ZNF503: variants seen among roughly 807,000 people sequenced by gnomAD.
ZNF503 encodes the protein zinc finger protein 503.
Under a neutral mutation model 34.4 loss-of-function variants are expected in ZNF503, and 15 were observed. The observed-to-expected ratio is 0.44, with a 90% CI of 0.29 to 0.67. ZNF503 has a LOEUF of 0.67. ZNF503 is among the 30% of genes least tolerant of loss of function. ZNF503 has a pLI of 0.13. For synonymous variants in ZNF503, 580 were observed against 456.8 expected (o/e 1.27, Z -3.44); for missense variants, 1,007 against 926.8 (o/e 1.09, Z -1.12).
chr10:75,376,882 A>T, the ZNF503 span, among the ~76,000 whole-genome samples: 1 of 152,178 alleles, frequency 6.6e-6, no homozygotes, highest in Non-Finnish European at 1.5e-5. Context: ...CGAGAACAGC[A>T]TGGGGGAACC....
At chr10:75,312,469 T>C in the ZNF503 span, among the ~76,000 whole-genome samples, 1 of 151,994 alleles carries the variant, frequency 6.6e-6, no homozygotes, top group Non-Finnish European at 1.5e-5. Flanking sequence ...TGAGCAGAGC[T>C]TCAGGGACAT....
At chr10:75,362,221 T>C in the ZNF503 span, among the ~76,000 whole-genome samples, 5 of 152,066 alleles carry the variant, frequency 3.3e-5, no homozygotes, top group Non-Finnish European at 7.4e-5. Context: ...CAATTCATAT[T>C]GTCTGAGTAG....
chr10:75,295,953 C>T, the ZNF503 span, among the ~76,000 whole-genome samples: 15 of 152,266 alleles, frequency 9.9e-5, no homozygotes, highest in Admixed American at 2.6e-4. The surrounding 1 kb of genome is among the most constrained non-coding windows in gnomAD (Gnocchi z 4.0). Flanking sequence ...AATTTCCTCC[C>T]GTTGGGCTTG....
chr10:75,345,981 A>G, the ZNF503 span, among the ~76,000 whole-genome samples: 118,941 of 152,182 alleles, frequency 0.78, 47,386 homozygotes, highest in African/African-American at 0.92. Flanking sequence ...AACTGTGCGG[A>G]ATCAGTGTTC....
At chr10:75,349,843 G>A in the ZNF503 span, among the ~76,000 whole-genome samples, 1 of 152,214 alleles carries the variant, frequency 6.6e-6, no homozygotes, top group Non-Finnish European at 1.5e-5. Context: ...TGTTTGTTCT[G>A]TGGACAAAAG....
At chr10:75,326,019 T>C in the ZNF503 span, among the ~76,000 whole-genome samples, 3 of 152,190 alleles carry the variant, frequency 2.0e-5, no homozygotes, top group Non-Finnish European at 4.4e-5. Context: ...CCACTGTGCC[T>C]GACTGCAGTA....
rs930148692 is a variant in ZNF503 at position 75,401,446 on chromosome 10, G to A, written c.-27C>T. 19 of 1,519,498 alleles carry A rather than the reference G, an allele frequency of 1.3e-5. No homozygotes were observed. Among genetic ancestry groups the A allele is most frequent in the Non-Finnish European group, 1.5e-5 (17 of 1,140,006 alleles). 94.1% of individuals were successfully genotyped at this position (1,519,498 alleles called of 1,614,324 possible). A position where few individuals can be genotyped will look rare whatever the true frequency, so the allele number is the denominator to read the frequency against. On this transcript the variant is annotated 5_prime_UTR_variant, in exon 1 of 2. Transcript: ENST00000372524. ...ACCCACCCGCGCGCATGGGAGCAGC[G>A]GGGGGGAGGGCTCCGGGAGGCGCGG...
the ZNF503 span, among the ~76,000 whole-genome samples, chr10:75,388,606 T>G: frequency 6.6e-6 from 1 of 152,202 alleles, no homozygotes; most frequent in African/African-American, 2.4e-5. Flanking sequence ...CTTGGTTGTG[T>G]GGTTTTGGGC....
the ZNF503 span, among the ~76,000 whole-genome samples, chr10:75,334,951 A>G: frequency 6.6e-6 from 1 of 152,164 alleles, no homozygotes; most frequent in Non-Finnish European, 1.5e-5. Flanking sequence ...TTCATTTTCA[A>G]ACCAGATTTC....
chr10:75,349,501 G>C, the ZNF503 span, among the ~76,000 whole-genome samples: 1 of 152,186 alleles, frequency 6.6e-6, no homozygotes. Context: ...GCAACTTATT[G>C]AGTGTCCGTC....
chr10:75,380,762 G>A, the ZNF503 span, among the ~76,000 whole-genome samples: 2 of 152,112 alleles, frequency 1.3e-5, no homozygotes, highest in Non-Finnish European at 2.9e-5. Context: ...AATACCAAGA[G>A]ACAAAGGGGA....
At chr10:75,351,778 G>GAA in the ZNF503 span, among the ~76,000 whole-genome samples, 4 of 152,116 alleles carry the variant, frequency 2.6e-5, no homozygotes, top group African/African-American at 7.2e-5. Flanking sequence ...GGATACAGTG[G>GAA]AAAGAGCCTG....
the ZNF503 span, among the ~76,000 whole-genome samples, chr10:75,327,191 G>A: frequency 6.6e-6 from 1 of 152,238 alleles, no homozygotes; most frequent in South Asian, 2.1e-4. Flanking sequence ...CTCCTGTCTA[G>A]CTCTACTTTG....
chr10:75,338,010 A>G, the ZNF503 span, among the ~76,000 whole-genome samples: 52 of 152,372 alleles, frequency 3.4e-4, no homozygotes, highest in African/African-American at 1.2e-3. Flanking sequence ...AGGTCCGTGG[A>G]AGTTTATCTT....
chr10:75,320,827 A>G, the ZNF503 span, among the ~76,000 whole-genome samples: 5 of 152,260 alleles, frequency 3.3e-5, no homozygotes, highest in African/African-American at 1.2e-4. Context: ...TCATAATCTT[A>G]TAATTCTTGG....
the ZNF503 span, among the ~76,000 whole-genome samples, chr10:75,280,801 T>A: frequency 6.6e-6 from 1 of 152,042 alleles, no homozygotes; most frequent in Non-Finnish European, 1.5e-5. Context: ...CAACTTAAGG[T>A]TGATGGGCCA....
chr10:75,303,385 C>A, the ZNF503 span, among the ~76,000 whole-genome samples: 1 of 152,172 alleles, frequency 6.6e-6, no homozygotes, highest in Non-Finnish European at 1.5e-5. Flanking sequence ...TGGTTCTGGG[C>A]AACTTTAGTG....
chr10:75,323,749 C>T, the ZNF503 span, among the ~76,000 whole-genome samples: 36 of 151,992 alleles, frequency 2.4e-4, no homozygotes, highest in East Asian at 6.6e-3. Context: ...GCCTGTAATC[C>T]CAGCACTTTG....
In ZNF503 at chr10:75,401,354, T is replaced by TCCGCCTCCGCCGCCGCCG; in HGVS notation, c.65_66insCGGCGGCGGCGGAGGCGG (p.Gly22_Gly27dup). On this transcript the variant is annotated inframe_insertion, in exon 1 of 2. Transcript: ENST00000372524. ...CAGGGTCTGCACCGCCGCCTCCGCC[T>TCCGCCTCCGCCGCCGCCG]CCGCCGCCGCCGCCGCCGCTGTGCT... 6.6e-7 allele frequency: 1 copy of TCCGCCTCCGCCGCCGCCG among 1,516,806 alleles called. No individual in the cohort carries two copies. The highest frequency in any genetic ancestry group is 1.2e-5 in the South Asian group (1 of 83,828). 94.0% of individuals were successfully genotyped at this position (1,516,806 alleles called of 1,614,324 possible).
Sources: gnomAD v4.1 joint callset for allele counts (sites outside exome capture counted in the v4.1 genomes callset) on GRCh38, gnomAD v4.1.1 for gene constraint, Gnocchi (gnomAD v3.1) non-coding constraint, MANE v1.5 for transcripts, NCBI Gene and HGNC (gene_info 2026-07-23, HGNC 2026-07-21) for gene names.